The following CAMK1D variants were observed in gnomAD, a reference collection of about 807,000 sequenced individuals.
The protein encoded by CAMK1D is calcium/calmodulin dependent protein kinase ID.
In CAMK1D, 9 loss-of-function variants were observed where a neutral mutation model predicts 47.7. The observed-to-expected ratio is 0.19, with a 90% CI of 0.11 to 0.33. The LOEUF (loss-of-function observed/expected upper bound fraction) is 0.33. CAMK1D is among the 10% of genes least tolerant of loss of function. The probability of loss-of-function intolerance (pLI) is 1.00; values close to 1 mark genes in which losing one functional copy is unlikely to be tolerated. For missense variants in CAMK1D, 291 were observed against 488.7 expected (o/e 0.60, Z 3.81); for synonymous variants, 184 against 184.9 (o/e 0.99, Z 0.04).
intron 1 of CAMK1D, among the ~76,000 whole-genome samples, chr10:12,495,415 T>G (rs1256602096): frequency 1.3e-5 from 2 of 152,214 alleles, no homozygotes; most frequent in African/African-American, 4.8e-5. Context: ...TCCAGTTAGT[T>G]ATAACCATGA....
At chr10:12,412,522 C>CTGAGG (rs1839695161) in intron 1 of CAMK1D, among the ~76,000 whole-genome samples, 1 of 149,154 alleles carries the variant, frequency 6.7e-6, no homozygotes, top group East Asian at 2.0e-4. Flanking sequence ...ACTCGGGAGG[C>CTGAGG]TGAGGCAGGA....
chr10:12,428,186 T>G (rs1357540053), intron 1 of CAMK1D, among the ~76,000 whole-genome samples: 3 of 152,052 alleles, frequency 2.0e-5, no homozygotes, highest in Non-Finnish European at 4.4e-5. Context: ...CGCCATCCCC[T>G]GACAGGCCCA....
Position 12,834,753 on chromosome 10 carries a change from C to G in CAMK1D, c.*5866C>G, listed in dbSNP as rs1181247700. The G allele has an allele frequency of 6.6e-6, 1 of 152,052 alleles. No homozygotes were observed. The highest frequency in any genetic ancestry group is 2.4e-5 in the African/African-American group (1 of 41,384). The allele number at this position is 152,052 out of a possible 1,614,324, so 9.4% of individuals were successfully genotyped here. A position where few individuals can be genotyped will look rare whatever the true frequency, so the allele number is the denominator to read the frequency against. ...CTTAGAGATAAGACTTCAGCAGGGG[C>G]TCAGAAACCCCAAACTCTAGTTAAA... On this transcript the variant is annotated 3_prime_UTR_variant, in exon 11 of 11. Transcript: ENST00000619168.
intron 6 of CAMK1D, among the ~76,000 whole-genome samples, chr10:12,811,305 A>T (rs947758299): frequency 2.0e-5 from 3 of 152,116 alleles, no homozygotes; most frequent in African/African-American, 7.2e-5. Flanking sequence ...TGGTCACAGA[A>T]GTCCTCTGTG....
At chr10:12,787,723 C>T (rs902618215) in intron 5 of CAMK1D, among the ~76,000 whole-genome samples, 3 of 152,218 alleles carry the variant, frequency 2.0e-5, no homozygotes, top group East Asian at 1.9e-4. Context: ...CACCAGAGGC[C>T]GGGCGCGGTG....
chr10:12,724,339 G>A (rs1167892545), intron 3 of CAMK1D, among the ~76,000 whole-genome samples: 1 of 152,174 alleles, frequency 6.6e-6, no homozygotes, highest in Non-Finnish European at 1.5e-5. Context: ...GAGGAAAATG[G>A]CATTCGTGTG....
At chr10:12,630,381 T>C in intron 2 of CAMK1D, among the ~76,000 whole-genome samples, 1 of 131,974 alleles carries the variant, frequency 7.6e-6, no homozygotes, top group South Asian at 2.8e-4. Context: ...TTCTTTTTTT[T>C]TTTTTTTAAA....
chr10:12,651,131 G>T (rs906986214), intron 2 of CAMK1D, among the ~76,000 whole-genome samples: 2 of 151,808 alleles, frequency 1.3e-5, no homozygotes, highest in Non-Finnish European at 1.5e-5. Context: ...TGTTTTCAGC[G>T]TCCTCCCCCT....
chr10:12,827,655 C>G (rs1833305424), intron 10 of CAMK1D, among the ~76,000 whole-genome samples: 1 of 143,126 alleles, frequency 7.0e-6, no homozygotes, highest in Non-Finnish European at 1.5e-5. Context: ...CCTCTCCTCT[C>G]TCCTCTCTCC....
intron 2 of CAMK1D, among the ~76,000 whole-genome samples, chr10:12,615,966 ATG>A (rs982290249): frequency 7.6e-5 from 11 of 145,522 alleles, no homozygotes; most frequent in East Asian, 2.1e-4. Context: ...ATAGGTGTGT[ATG>A]TGTGCATGTG....
chr10:12,806,734 C>T (rs77491060), intron 6 of CAMK1D, among the ~76,000 whole-genome samples: 6,108 of 152,280 alleles, frequency 0.04, 209 homozygotes, highest in Middle Eastern at 0.092. Flanking sequence ...GATTTTTGTC[C>T]ATGCCAGGGG....
intron 3 of CAMK1D, among the ~76,000 whole-genome samples, chr10:12,744,761 C>T (rs7894495): frequency 0.017 from 2,640 of 150,912 alleles, 87 homozygotes; most frequent in African/African-American, 0.061. Context: ...AAAAGCCAGA[C>T]GTGGTGGCTC....
Position 12,811,216 on chromosome 10 carries a change from G to T in CAMK1D, c.642-2979G>T, listed in dbSNP as rs529880582. Among the ~76,000 whole-genome samples the T allele has an allele frequency of 2.8e-4, 43 of 152,220 alleles. No individual in the cohort carries two copies. In the South Asian group the frequency reaches 8.7e-3, roughly 31 times the overall value. On this transcript the variant is annotated intron_variant, in intron 6 of 10. Transcript: ENST00000619168. ...ATATAATTTGTAGATTATTTAAACG[G>T]TTGGATATGTAAAAGAAGCCACACT...
intron 1 of CAMK1D, among the ~76,000 whole-genome samples, chr10:12,503,320 G>GTGTATTTA (rs1418583340): frequency 1.3e-5 from 2 of 152,224 alleles, no homozygotes; most frequent in African/African-American, 4.8e-5. Context: ...GCTGCGTGTA[G>GTGTATTTA]TGTATTTAAA....
At chr10:12,737,159 A>C (rs917133312) in intron 3 of CAMK1D, among the ~76,000 whole-genome samples, 1 of 151,864 alleles carries the variant, frequency 6.6e-6, no homozygotes, top group African/African-American at 2.4e-5. Flanking sequence ...GCCCCCATCC[A>C]TCAGCTACTG....
chr10:12,472,068 A>G (rs756323945), intron 1 of CAMK1D, among the ~76,000 whole-genome samples: 1 of 151,966 alleles, frequency 6.6e-6, no homozygotes, highest in Non-Finnish European at 1.5e-5. Context: ...AAGAAAAAGA[A>G]AAAAGGAAAA....
intron 2 of CAMK1D, among the ~76,000 whole-genome samples, chr10:12,592,193 G>A (rs1278843751): frequency 1.3e-5 from 2 of 152,184 alleles, no homozygotes; most frequent in Non-Finnish European, 2.9e-5. Flanking sequence ...CTAAATGCTT[G>A]TACAACTTTC....
At position 12,439,761 on chromosome 10, in the gene CAMK1D, G is replaced by A. The variant is rs550308206; in HGVS notation, c.92+89851G>A. Among the ~76,000 whole-genome samples the A allele has an allele frequency of 8.5e-5, 13 of 152,308 alleles. No homozygotes were observed. The South Asian group carries it at 2.5e-3, about 29-fold the overall frequency. ...TGGCCTAGAGTTTTCATATTAGTCC[G>A]TTTTCACGCTGCTGATGAAGACATA... On this transcript the variant is annotated intron_variant, in intron 1 of 10. Coordinates refer to ENST00000619168, the MANE Select transcript of CAMK1D (RefSeq NM_153498.4).
chr10:12,407,861 TC>T (rs371345368), intron 1 of CAMK1D, among the ~76,000 whole-genome samples: 19,504 of 96,154 alleles, frequency 0.2, 2,298 homozygotes, highest in East Asian at 0.25. Flanking sequence ...TTTTTTTTTT[TC>T]TTTTTTTTTT....
Sources: gnomAD v4.1 joint callset for allele counts (sites outside exome capture counted in the v4.1 genomes callset) on GRCh38, gnomAD v4.1.1 for gene constraint, MANE v1.5 for transcripts, NCBI Gene and HGNC (gene_info 2026-07-23, HGNC 2026-07-21) for gene names.